Variants in PRDM10 observed in about 807,000 individuals in gnomAD.
The protein encoded by PRDM10 is PR/SET domain 10, also known as PR domain zinc finger protein 10.
In PRDM10, 65 loss-of-function variants were observed where a neutral mutation model predicts 133.1. The ratio of observed to expected loss-of-function variants is 0.49; its 90% confidence interval spans 0.40 to 0.60. PRDM10 has a LOEUF of 0.60. Ranked by LOEUF, PRDM10 falls within the 20% of genes least tolerant of loss-of-function variation. The pLI is 0.00. For missense variants in PRDM10, 1,137 were observed against 1,507.1 expected (o/e 0.75, Z 4.07); for synonymous variants, 582 against 580.4 (o/e 1.00, Z -0.04).
At chr11:129,982,475 T>C (rs1380928061) in intron 1 of PRDM10, among the ~76,000 whole-genome samples, 1 of 152,000 alleles carries the variant, frequency 6.6e-6, no homozygotes, top group African/African-American at 2.4e-5. Flanking sequence ...ATTTAATTAT[T>C]TATGATGTAG....
At chr11:129,905,823 C>T in intron 19 of PRDM10, 82 bp from the exon 20 acceptor site, 2 of 1,142,364 alleles carry the variant, frequency 1.8e-6, no homozygotes, top group Non-Finnish European at 2.6e-6. Context: ...CCAGTAGCCA[C>T]AGTCCGCACT....
rs1444849665 is a variant in PRDM10, at chr11:129,911,963, A to T, written c.2982+122T>A. The T allele has an allele frequency of 3.1e-6, 4 of 1,282,714 alleles. No individual in the cohort carries two copies. The Admixed American group carries it at 1.1e-4, about 37-fold the overall frequency. 79.5% of individuals were successfully genotyped at this position (1,282,714 alleles called of 1,614,324 possible). A position where few individuals can be genotyped will look rare whatever the true frequency, so the allele number is the denominator to read the frequency against. On this transcript the variant is annotated intron_variant, in intron 18 of 20. Coordinates refer to ENST00000360871, the MANE Select transcript of PRDM10 (RefSeq NM_199437.2). ...GGAGGCAAAGGTAAGATCCTTTAAT[A>T]AAAATCCAAAAATAACAGTAGCTGA...
In PRDM10 at chr11:129,904,542, C is replaced by T. The variant is rs549450397; in HGVS notation, c.3267+1096G>A. Among the ~76,000 whole-genome samples the T allele has an allele frequency of 2.2e-4, 33 of 152,254 alleles. No homozygotes were observed. The South Asian group carries it at 6.4e-3, about 30-fold the overall frequency. ...TGAGACAGAGTCTCACTTTGTTGCC[C>T]AGGCTGGAGTGCAGTGGCATGATCT... is the stretch of plus-strand genomic sequence containing the variant. On this transcript the variant is annotated intron_variant, in intron 20 of 20. Transcript: ENST00000360871.
At chr11:129,916,180 G>A (rs922622028) in intron 15 of PRDM10, among the ~76,000 whole-genome samples, 1 of 152,110 alleles carries the variant, frequency 6.6e-6, no homozygotes, top group Non-Finnish European at 1.5e-5. Context: ...TGTTTTTAAG[G>A]CCCATCCACC....
At chr11:129,986,059 G>T (rs1201939686) in intron 1 of PRDM10, among the ~76,000 whole-genome samples, 5 of 151,906 alleles carry the variant, frequency 3.3e-5, no homozygotes, top group South Asian at 2.1e-4. Context: ...GGCAGAGTCT[G>T]GGGTGTGTGG....
At chr11:129,986,352 T>G (rs1938439543) in intron 1 of PRDM10, among the ~76,000 whole-genome samples, 1 of 152,116 alleles carries the variant, frequency 6.6e-6, no homozygotes, top group Non-Finnish European at 1.5e-5. Context: ...CCAGACTTGC[T>G]CCTCCCCACC....
At position 129,923,302 on chromosome 11, in the gene PRDM10, G is replaced by A. The variant is rs893911163; in HGVS notation, c.1980C>T (p.Leu660=). ...CRPDKLRLHM[L]RHSDRKDFLC... ...GGAAGTCTTTGCGGTCCGAATGCCG[G>A]AGCATGTGGAGTCGCAGTTTATCGG... is the stretch of plus-strand genomic sequence containing the variant. The change falls in exon 13 of 21, where the codon CTC becomes CTT. Residue 660 remains leucine (L), a synonymous_variant. Coordinates refer to ENST00000360871, the MANE Select transcript of PRDM10 (RefSeq NM_199437.2). This position sits in a 1 kb window ranked among gnomAD's most constrained non-coding sequence, Gnocchi z 4.4. The A allele has an allele frequency of 1.2e-6, 2 of 1,604,630 alleles. No individual in the cohort carries two copies. Among genetic ancestry groups the A allele is most frequent in the Non-Finnish European group, 1.7e-6 (2 of 1,175,374 alleles).
chr11:129,925,340 GAAGTT>G (rs1274584678), intron 11 of PRDM10, 111 bp from the exon 12 acceptor site: 4 of 1,027,454 alleles, frequency 3.9e-6, no homozygotes, highest in Non-Finnish European at 5.5e-6. Context: ...ACTTCCCATA[GAAGTT>G]CAACTCTAGG....
chr11:130,000,130 G>A (rs1939270831), intron 1 of PRDM10, among the ~76,000 whole-genome samples: 1 of 146,764 alleles, frequency 6.8e-6, no homozygotes, highest in Non-Finnish European at 1.5e-5. Context: ...TGTAAACTCT[G>A]CCTCCCGGGT....
intron 5 of PRDM10, among the ~76,000 whole-genome samples, chr11:129,946,936 T>G (rs1213321547): frequency 6.6e-6 from 1 of 152,162 alleles, no homozygotes; most frequent in Admixed American, 6.5e-5. Flanking sequence ...TGAGCTTGTT[T>G]ACTCATCAGT....
At chr11:129,987,216 A>G (rs1322242678) in intron 1 of PRDM10, among the ~76,000 whole-genome samples, 1 of 152,216 alleles carries the variant, frequency 6.6e-6, no homozygotes, top group Non-Finnish European at 1.5e-5. Flanking sequence ...TATATCCTTT[A>G]TTGTTTGGAG....
chr11:129,920,645 C>T lies in PRDM10; in HGVS notation c.2035-1927G>A, dbSNP rs146835123. Among the ~76,000 whole-genome samples the T allele has an allele frequency of 2.0e-5, 3 of 151,990 alleles. No individual in the cohort carries two copies. The East Asian group carries it at 5.9e-4, about 30-fold the overall frequency. ...CAATCTCCCGAACGTGGCATCACCA[C>T]TCCCTGCTGCTCCCTCTGCTTGAGA... On this transcript the variant is annotated intron_variant, in intron 13 of 20. Transcript: ENST00000360871.
intron 1 of PRDM10, among the ~76,000 whole-genome samples, chr11:129,985,361 C>T (rs1325289097): frequency 2.6e-5 from 4 of 151,876 alleles, no homozygotes; most frequent in African/African-American, 9.7e-5. Flanking sequence ...ACAAACAACA[C>T]TATGGGGGGA....
intron 8 of PRDM10, among the ~76,000 whole-genome samples, chr11:129,935,512 C>T (rs78682691): frequency 2.6e-3 from 389 of 152,270 alleles, no homozygotes; most frequent in African/African-American, 8.3e-3. Context: ...ACACCGAAAA[C>T]ACATAAGATG....
intron 3 of PRDM10, among the ~76,000 whole-genome samples, chr11:129,956,126 T>TAA (rs373757342): frequency 6.7e-6 from 1 of 148,896 alleles, no homozygotes; most frequent in African/African-American, 2.5e-5. Context: ...AAGTCATAAT[T>TAA]AAAAAAAAAA....
intron 1 of PRDM10, among the ~76,000 whole-genome samples, chr11:130,001,764 G>C (rs1336909319): frequency 6.6e-6 from 1 of 152,148 alleles, no homozygotes; most frequent in Non-Finnish European, 1.5e-5. Flanking sequence ...GCTGGCGAGG[G>C]GCTGGAGAGG....
chr11:129,913,341 A>G (rs888302869), intron 17 of PRDM10, among the ~76,000 whole-genome samples: 1 of 152,140 alleles, frequency 6.6e-6, no homozygotes, highest in Non-Finnish European at 1.5e-5. Context: ...AGAACACGCC[A>G]TACAACAGGA....
At chr11:129,930,908 T>G (rs1950832028) in intron 11 of PRDM10, 108 bp downstream of exon 11, 2 of 1,443,098 alleles carry the variant, frequency 1.4e-6, no homozygotes, top group Non-Finnish European at 1.9e-6. Flanking sequence ...ACAGGCTAGA[T>G]GCAAGATTTC....
intron 1 of PRDM10, 109 bp from the exon 2 acceptor site, chr11:129,961,191 G>A (rs971627774): frequency 6.4e-6 from 3 of 466,338 alleles, no homozygotes; most frequent in Admixed American, 3.8e-5. Context: ...AAAGCAACAC[G>A]CCTGGGCAAA....
Sources: allele counts gnomAD v4.1 joint callset (sites outside exome capture counted in the v4.1 genomes callset), GRCh38; gene constraint gnomAD v4.1.1; non-coding constraint Gnocchi (gnomAD v3.1); transcripts MANE v1.5; gene names NCBI Gene and HGNC (gene_info 2026-07-23, HGNC 2026-07-21).